Variants in CACNA2D3 observed in about 807,000 individuals in gnomAD.
CACNA2D3 encodes calcium voltage-gated channel auxiliary subunit alpha2delta 3, also known as voltage-dependent calcium channel subunit alpha-2/delta-3.
CACNA2D3 carries 60 observed loss-of-function variants against 160.6 expected under a neutral mutation model. The ratio of observed to expected loss-of-function variants is 0.37; its 90% CI spans 0.30 to 0.46. The LOEUF (loss-of-function observed/expected upper bound fraction) is 0.46, where lower values mean the gene tolerates loss of function less well. Ranked by LOEUF, CACNA2D3 falls within the 20% of genes least tolerant of loss-of-function variation. The pLI, the probability that CACNA2D3 is intolerant of heterozygous loss-of-function variation, is 1.00. For synonymous variants in CACNA2D3, 558 were observed against 492.9 expected, an observed-to-expected ratio of 1.13 and a Z score of -1.75; for missense variants, 1,205 against 1,365.0, an observed-to-expected ratio of 0.88 and a Z score of 1.85.
At chr3:54,136,009 C>T (rs10048971) in intron 2 of CACNA2D3, among the ~76,000 whole-genome samples, 1,565 of 152,326 alleles carry the variant, frequency 0.01, 20 homozygotes, top group African/African-American at 0.036. Flanking sequence ...GAGCCCCATG[C>T]CTTGTCTGCT....
chr3:54,698,508 C>G (rs1000873529), intron 11 of CACNA2D3, among the ~76,000 whole-genome samples: 1 of 152,160 alleles, frequency 6.6e-6, no homozygotes, highest in African/African-American at 2.4e-5. Context: ...TCTGAATGAT[C>G]TTGATACTCA....
intron 35 of CACNA2D3, among the ~76,000 whole-genome samples, chr3:55,029,406 A>G (rs1249961645): frequency 6.6e-6 from 1 of 152,222 alleles, no homozygotes; most frequent in Admixed American, 6.5e-5. Context: ...AGCACAGTGC[A>G]TAGTGCAGAA....
intron 2 of CACNA2D3, among the ~76,000 whole-genome samples, chr3:54,247,866 CCTA>C (rs1702110984): frequency 1.2e-4 from 1 of 8,510 alleles, no homozygotes; most frequent in African/African-American, 1.8e-4. Context: ...ATCTGCCATG[CCTA>C]GTACCATGCC....
Position 54,774,629 on chromosome 3 carries a change from ATTTTTTTTTTTTT to A in CACNA2D3, c.1380+10289_1380+10301del, listed in dbSNP as rs111655457. On this transcript the variant is annotated intron_variant, in intron 13 of 37. Coordinates refer to ENST00000474759, the MANE Select transcript of CACNA2D3 (RefSeq NM_018398.3). The stretch of plus-strand genomic sequence containing the variant: ...TATTATTTTGACTTGCTCTTTGACT[ATTTTTTTTTTTTT>A]TTTTTTTTTTGAAATGGAGTCTCAC... Among the ~76,000 whole-genome samples, 3 of 107,894 alleles carry A rather than the reference ATTTTTTTTTTTTT, an allele frequency of 2.8e-5. No individual in the cohort carries two copies. In the Admixed American group the frequency reaches 3.3e-4, roughly 12 times the overall value. The allele number at this position is 107,894 out of a possible 152,430, so 70.8% of individuals were successfully genotyped here. A position where few individuals can be genotyped will look rare whatever the true frequency, so the allele number is the denominator to read the frequency against.
chr3:54,997,705 G>C (rs186191500), intron 31 of CACNA2D3, among the ~76,000 whole-genome samples: 2 of 152,306 alleles, frequency 1.3e-5, no homozygotes, highest in Admixed American at 1.3e-4. Flanking sequence ...CTGGGTGACA[G>C]AACAATACCC....
chr3:54,552,113 C>G (rs1229419116), intron 5 of CACNA2D3, among the ~76,000 whole-genome samples: 3 of 152,286 alleles, frequency 2.0e-5, no homozygotes, highest in East Asian at 3.9e-4. Flanking sequence ...CAGCATACCT[C>G]AAGTCCAAAT....
At chr3:54,423,825 A>C (rs1018543950) in intron 4 of CACNA2D3, among the ~76,000 whole-genome samples, 1 of 151,950 alleles carries the variant, frequency 6.6e-6, no homozygotes, top group African/African-American at 2.4e-5. Context: ...GCCCGGGAGC[A>C]CAGGCTCCAT....
At chr3:54,309,617 G>T (rs1453787931) in intron 2 of CACNA2D3, among the ~76,000 whole-genome samples, 1 of 152,108 alleles carries the variant, frequency 6.6e-6, no homozygotes, top group Non-Finnish European at 1.5e-5. Context: ...AGCTAGTTGG[G>T]AGCATGGGCT....
At chr3:54,123,476 G>A (rs1230057466) in intron 1 of CACNA2D3, 37 bp from the exon 2 acceptor site, 2 of 1,435,704 alleles carry the variant, frequency 1.4e-6, no homozygotes, top group South Asian at 2.3e-5. Flanking sequence ...CTGTGACACG[G>A]GTGTTACATA....
intron 27 of CACNA2D3, among the ~76,000 whole-genome samples, chr3:54,938,540 A>C (rs1701384374): frequency 6.6e-6 from 1 of 152,128 alleles, no homozygotes; most frequent in Admixed American, 6.5e-5. Flanking sequence ...AAAGTATATA[A>C]TACAAAGCCA....
At chr3:54,461,568 G>A (rs936449506) in intron 4 of CACNA2D3, among the ~76,000 whole-genome samples, 1 of 151,630 alleles carries the variant, frequency 6.6e-6, no homozygotes, top group African/African-American at 2.4e-5. Flanking sequence ...TTGCATAGAG[G>A]TGTTTGTAGT....
At chr3:54,500,572 C>A (rs1366382119) in intron 4 of CACNA2D3, among the ~76,000 whole-genome samples, 3 of 125,210 alleles carry the variant, frequency 2.4e-5, no homozygotes, top group Non-Finnish European at 4.9e-5. Flanking sequence ...TCTTTCTTTT[C>A]TTTTCATTCC....
chr3:54,664,584 G>T (rs140188322), intron 11 of CACNA2D3, among the ~76,000 whole-genome samples: 2 of 152,154 alleles, frequency 1.3e-5, no homozygotes, highest in Admixed American at 1.3e-4. Context: ...AAATGAAACC[G>T]CCTGGTTGTA....
chr3:54,360,896 G>A (rs183723252), intron 3 of CACNA2D3, among the ~76,000 whole-genome samples: 6 of 152,070 alleles, frequency 3.9e-5, no homozygotes, highest in African/African-American at 1.2e-4. Flanking sequence ...GTTTTATTTG[G>A]TTTTTCTATG....
intron 2 of CACNA2D3, among the ~76,000 whole-genome samples, chr3:54,296,072 C>A (rs1024269108): frequency 6.6e-6 from 1 of 152,146 alleles, no homozygotes; most frequent in Non-Finnish European, 1.5e-5. Context: ...TTTGCCCAGC[C>A]TTGGAAGGGG....
chr3:54,379,168 T>A (rs929952642), intron 3 of CACNA2D3, among the ~76,000 whole-genome samples: 1 of 152,264 alleles, frequency 6.6e-6, no homozygotes, highest in Non-Finnish European at 1.5e-5. Context: ...ACCTGCTTTC[T>A]CTAGAAACTT....
At chr3:54,446,491 T>C (rs1292355171) in intron 4 of CACNA2D3, among the ~76,000 whole-genome samples, 1 of 152,210 alleles carries the variant, frequency 6.6e-6, no homozygotes, top group Non-Finnish European at 1.5e-5. Context: ...CTGCCTTTTC[T>C]TTAAAAACTT....
chr3:55,025,550 C>G (rs1255453576), intron 35 of CACNA2D3, among the ~76,000 whole-genome samples: 2 of 146,098 alleles, frequency 1.4e-5, no homozygotes, highest in African/African-American at 2.5e-5. Context: ...ACAAGAATTG[C>G]TTGAACCCAG....
At chr3:54,323,553 G>A (rs1301984479) in intron 3 of CACNA2D3, among the ~76,000 whole-genome samples, 1 of 149,272 alleles carries the variant, frequency 6.7e-6, no homozygotes, top group African/African-American at 2.5e-5. Context: ...TGCAAGCTCC[G>A]CCTCCCGGGT....
Sources: allele counts gnomAD v4.1 joint callset (sites outside exome capture counted in the v4.1 genomes callset), GRCh38; gene constraint gnomAD v4.1.1; transcripts MANE v1.5; gene names NCBI Gene and HGNC (gene_info 2026-07-23, HGNC 2026-07-21).